SETD7: variants seen among roughly 807,000 people sequenced by gnomAD.
SETD7 encodes the protein histone-lysine N-methyltransferase SETD7.
Under a neutral mutation model 41.8 loss-of-function variants are expected in SETD7, and 16 were observed. The observed-to-expected ratio is 0.38, with a 90% CI of 0.26 to 0.58. The LOEUF is 0.58. Among genes scored for constraint, SETD7 ranks in the 20% least tolerant of loss-of-function variants. The probability of loss-of-function intolerance (pLI) is 0.64; values close to 1 mark genes in which losing one functional copy is unlikely to be tolerated. For missense variants in SETD7, 346 were observed against 459.7 expected (o/e 0.75, Z 2.26); for synonymous variants, 163 against 169.7 (o/e 0.96, Z 0.31).
chr4:139,519,230 A>C (rs1481714137), intron 6 of SETD7, among the ~76,000 whole-genome samples: 2 of 152,226 alleles, frequency 1.3e-5, no homozygotes, highest in Non-Finnish European at 2.9e-5. Flanking sequence ...AAATTTCATT[A>C]GGGCAAGAAG....
At chr4:139,496,290 C>G in exon 8 of SETD7, 3 of 668,364 alleles carry the variant, frequency 4.5e-6, no homozygotes, top group East Asian at 2.7e-5. Flanking sequence ...TTGAGGGAAG[C>G]CTATGTTCTG....
At chr4:139,522,182 C>T (rs1727194517) in intron 5 of SETD7, among the ~76,000 whole-genome samples, 1 of 152,194 alleles carries the variant, frequency 6.6e-6, no homozygotes, top group Non-Finnish European at 1.5e-5. Context: ...ATCATTGTGA[C>T]ATTGTGGGGT....
intron 7 of SETD7, among the ~76,000 whole-genome samples, chr4:139,512,082 G>A (rs1418782037): frequency 2.0e-5 from 3 of 152,166 alleles, no homozygotes; most frequent in East Asian, 1.9e-4. Context: ...ACCCCCAGGC[G>A]ATCCACTGGT....
Position 139,556,209 on chromosome 4 carries a change from G to C in SETD7, c.-72C>G. On this transcript the variant is annotated 5_prime_UTR_variant, in exon 1 of 8. Transcript: ENST00000274031. ...GTCCCTCTGGGTGCTCCCGGCGGCT[G>C]AGCGAGCTCTGGGGCTCGCGAGTTT... 6.6e-7 allele frequency: 1 copy of C among 1,510,448 alleles called. No homozygotes were observed. Among genetic ancestry groups the C allele is most frequent in the Non-Finnish European group, 8.9e-7 (1 of 1,117,342 alleles). 93.6% of individuals were successfully genotyped at this position (1,510,448 alleles called of 1,614,324 possible). A position where few individuals can be genotyped will look rare whatever the true frequency, so the allele number is the denominator to read the frequency against.
In SETD7 at chr4:139,529,080, G is replaced by C. The variant is rs1253886686; in HGVS notation, c.513C>G (p.Thr171=). ...DGEMIEGKLA[T]LMSTEEGRPH... is the part of the protein sequence containing the mutation. ...GCCTCCCTTCTTCAGTGGACATAAG[G>C]GTAGCCAGTTTGCCTTCTATCATCT... is the stretch of plus-strand genomic sequence containing the variant. The change falls in exon 4 of 8, where the codon ACC becomes ACG. Residue 171 remains threonine, a synonymous_variant. Coordinates refer to ENST00000274031, the MANE Select transcript of SETD7 (RefSeq NM_030648.4). 3 of 1,613,878 alleles carry C rather than the reference G, an allele frequency of 1.9e-6. No homozygotes were observed. The highest frequency in any genetic ancestry group is 2.5e-6 in the Non-Finnish European group (3 of 1,179,984).
At position 139,543,798 on chromosome 4, in the gene SETD7, C is replaced by CAAAA. The variant is rs1182628309; in HGVS notation, c.170+3118_170+3121dup. 4.7e-3 allele frequency among the ~76,000 whole-genome samples: 568 copies of CAAAA among 119,918 alleles called. 4 individuals are homozygous for CAAAA. Among genetic ancestry groups the CAAAA allele is most frequent in the Middle Eastern group, 8.1e-3 (2 of 246 alleles). The allele number at this position is 119,918 out of a possible 152,430, so 78.7% of individuals were successfully genotyped here. ...AAACCCCGTCTCTACTAAAAAAATA[C>CAAAA]AAAAAAAAAAAAAAAATTAGCCGGG... is the stretch of plus-strand genomic sequence containing the variant. On this transcript the variant is annotated intron_variant, in intron 2 of 7. Transcript: ENST00000274031.
intron 4 of SETD7, among the ~76,000 whole-genome samples, chr4:139,523,810 A>T (rs1389817435): frequency 6.6e-6 from 1 of 152,216 alleles, no homozygotes; most frequent in Non-Finnish European, 1.5e-5. Context: ...TTCATTACAG[A>T]TACAGTCTAC....
chr4:139,536,957 C>A (rs62321265), intron 2 of SETD7, among the ~76,000 whole-genome samples: 1 of 152,068 alleles, frequency 6.6e-6, no homozygotes, highest in Non-Finnish European at 1.5e-5. Flanking sequence ...GAGCCGAGAT[C>A]GCACCACTGC....
chr4:139,502,363 G>C (rs1033779937), downstream of SETD7, among the ~76,000 whole-genome samples: 1 of 152,188 alleles, frequency 6.6e-6, no homozygotes, highest in African/African-American at 2.4e-5. Context: ...TCGGAATGCT[G>C]GGGGAGGAGA....
chr4:139,516,862 T>G (rs1360496234), intron 7 of SETD7, among the ~76,000 whole-genome samples: 1 of 152,158 alleles, frequency 6.6e-6, no homozygotes, highest in East Asian at 1.9e-4. Flanking sequence ...AACATTTTAA[T>G]CAGTCCAAAA....
Position 139,509,886 on chromosome 4 carries a change from C to T in SETD7, c.*1777G>A. 1 of 985,434 alleles carries T rather than the reference C, an allele frequency of 1.0e-6. No homozygotes were observed. Among genetic ancestry groups the T allele is most frequent in the Non-Finnish European group, 1.2e-6 (1 of 829,918 alleles). 61.0% of individuals were successfully genotyped at this position (985,434 alleles called of 1,614,324 possible). ...TGAACCATTGGCTTAAGCTTTCAAGCAGGGATCCAACTGGATCTCCCTGAA... is the reference window on the plus strand; with the variant it reads ...TGAACCATTGGCTTAAGCTTTCAAGTAGGGATCCAACTGGATCTCCCTGAA... On this transcript the variant is annotated 3_prime_UTR_variant, in exon 8 of 8. Coordinates refer to ENST00000274031, the MANE Select transcript of SETD7 (RefSeq NM_030648.4).
In SETD7 at chr4:139,527,866, C is replaced by G. The variant is rs1371105907; in HGVS notation, c.562+1165G>C. Among the ~76,000 whole-genome samples, 4 of 152,096 alleles carry G rather than the reference C, an allele frequency of 2.6e-5. No individual in the cohort carries two copies. In the East Asian group the frequency reaches 7.7e-4, roughly 29 times the overall value. On this transcript the variant is annotated intron_variant, in intron 4 of 7. Coordinates refer to ENST00000274031, the MANE Select transcript of SETD7 (RefSeq NM_030648.4). ...GCATTTAGACTGTCTCCATTTTTAACTTAAAAAAACAAAAAAGACATTTAA... is the reference window on the plus strand; with the variant it reads ...GCATTTAGACTGTCTCCATTTTTAAGTTAAAAAAACAAAAAAGACATTTAA...
At chr4:139,521,500 C>T (rs1281047008) in intron 5 of SETD7, among the ~76,000 whole-genome samples, 2 of 152,042 alleles carry the variant, frequency 1.3e-5, no homozygotes, top group African/African-American at 4.8e-5. Flanking sequence ...AATGACCCTA[C>T]AGGAACTGAT....
exon 8 of SETD7, chr4:139,496,348 T>G (rs1726454781): frequency 1.4e-6 from 1 of 701,524 alleles, no homozygotes; most frequent in Non-Finnish European, 2.6e-6. Context: ...CGCTTTTATC[T>G]TTTCTTAATT....
rs114795657 is a variant in SETD7, at chr4:139,522,411, C to T, written c.644+943G>A. Among the ~76,000 whole-genome samples, 1,385 of 152,318 alleles carry T rather than the reference C, an allele frequency of 9.1e-3. 29 individuals are homozygous for T. Among genetic ancestry groups the T allele is most frequent in the African/African-American group, 0.032 (1,323 of 41,564 alleles). On this transcript the variant is annotated intron_variant, in intron 5 of 7. Coordinates refer to ENST00000274031, the MANE Select transcript of SETD7 (RefSeq NM_030648.4). Reference sequence around the variant, plus strand: ...GACTCAAGAGCTAGAGTTTAGCCATCCTCATAAATAAGACATGAAGTAGAA... The same window carrying T: ...GACTCAAGAGCTAGAGTTTAGCCATTCTCATAAATAAGACATGAAGTAGAA...
At chr4:139,539,041 G>A (rs1024755291) in intron 2 of SETD7, among the ~76,000 whole-genome samples, 1 of 152,106 alleles carries the variant, frequency 6.6e-6, no homozygotes, top group Non-Finnish European at 1.5e-5. Context: ...TTCAGATATT[G>A]CTGTATTTTC....
Position 139,498,511 on chromosome 4 carries a change from T to G in SETD7, c.921-1990A>C, listed in dbSNP as rs546929791. ...ACGTTTTCTCTTTACTCCATCTACC[T>G]CCTACTTGATCCTGGTGCTTCCCCA... is the stretch of plus-strand genomic sequence containing the variant. On this transcript the variant is annotated intron_variant, in intron 7 of 7. Coordinates refer to the SETD7 transcript ENST00000506866. Among the ~76,000 whole-genome samples the G allele has an allele frequency of 2.0e-4, 31 of 152,290 alleles. No homozygotes were observed. In the South Asian group the frequency reaches 6.4e-3, roughly 32 times the overall value.
intron 2 of SETD7, among the ~76,000 whole-genome samples, chr4:139,544,729 A>C (rs917937730): frequency 6.6e-6 from 1 of 152,036 alleles, no homozygotes; most frequent in African/African-American, 2.4e-5. Flanking sequence ...AAATTCAAAC[A>C]AATCTGCTGG....
chr4:139,526,457 AT>A (rs1727333824), intron 4 of SETD7, among the ~76,000 whole-genome samples: 1 of 98,122 alleles, frequency 1.0e-5, no homozygotes, highest in Non-Finnish European at 2.2e-5. Flanking sequence ...TTTTTTTTGT[AT>A]TTTTTAGGAG....
Sources: gnomAD v4.1 joint callset for allele counts (sites outside exome capture counted in the v4.1 genomes callset) on GRCh38, gnomAD v4.1.1 for gene constraint, MANE v1.5 for transcripts, NCBI Gene and HGNC (gene_info 2026-07-23, HGNC 2026-07-21) for gene names.